The following SH3GL2 variants were observed in gnomAD, a reference collection of about 807,000 sequenced individuals.
The protein encoded by SH3GL2 is SH3 domain containing GRB2 like 2, endophilin A1, also known as endophilin-A1.
Under a neutral mutation model 46.0 loss-of-function variants are expected in SH3GL2, and 24 were observed. The ratio of observed to expected loss-of-function variants is 0.52; its 90% CI spans 0.38 to 0.73. SH3GL2 has a LOEUF of 0.73. Ranked by LOEUF, SH3GL2 falls within the 30% of genes least tolerant of loss-of-function variation. SH3GL2 has a pLI of 0.00. For missense variants in SH3GL2, 413 were observed against 424.2 expected, an observed-to-expected ratio of 0.97 and a Z score of 0.23; for synonymous variants, 196 against 147.1, an observed-to-expected ratio of 1.33 and a Z score of -2.40.
At chr9:17,720,857 C>T (rs534158015) in intron 1 of SH3GL2, among the ~76,000 whole-genome samples, 2 of 152,180 alleles carry the variant, frequency 1.3e-5, no homozygotes, top group African/African-American at 2.4e-5. Context: ...TTAGGTGAGC[C>T]ACCAAAATTT....
rs7847366 is a variant in SH3GL2 at position 17,656,208 on chromosome 9, G to A, written c.45+76921G>A. Among the ~76,000 whole-genome samples, 313 of 152,210 alleles carry A rather than the reference G, an allele frequency of 2.1e-3. 2 individuals carry two copies. Among genetic ancestry groups the A allele is most frequent in the African/African-American group, 7.3e-3 (303 of 41,540 alleles). ...TATCATTTATCATTTCTATTGGAATGTTTTTATTTTAATTACTTTGGTAGA... is the reference window on the plus strand; with the variant it reads ...TATCATTTATCATTTCTATTGGAATATTTTTATTTTAATTACTTTGGTAGA... On this transcript the variant is annotated intron_variant, in intron 1 of 8. Coordinates refer to ENST00000380607, the MANE Select transcript of SH3GL2 (RefSeq NM_003026.5).
chr9:17,745,492 GT>G (rs1388384174), intron 1 of SH3GL2, among the ~76,000 whole-genome samples: 1 of 152,138 alleles, frequency 6.6e-6, no homozygotes, highest in Admixed American at 6.5e-5. Flanking sequence ...GTCAGTCCAT[GT>G]CATGCTCTTC....
intron 3 of SH3GL2, among the ~76,000 whole-genome samples, chr9:17,763,866 C>T (rs1310759787): frequency 6.6e-6 from 1 of 152,154 alleles, no homozygotes; most frequent in Non-Finnish European, 1.5e-5. Flanking sequence ...CACGATCCTG[C>T]CTCTGAGAAG....
At position 17,639,101 on chromosome 9, in the gene SH3GL2, T is replaced by G. The variant is rs189118407; in HGVS notation, c.45+59814T>G. 3.9e-5 allele frequency among the ~76,000 whole-genome samples: 6 copies of G among 152,350 alleles called. No homozygotes were observed. In the East Asian group the frequency reaches 1.2e-3, roughly 29 times the overall value. On this transcript the variant is annotated intron_variant, in intron 1 of 8. Transcript: ENST00000380607. Reference sequence around the variant, plus strand: ...TTGAATGAATGTATGAATTCTAAATTGTAAGATTTGAAATGAAACCATTGC... The same window carrying G: ...TTGAATGAATGTATGAATTCTAAATGGTAAGATTTGAAATGAAACCATTGC...
rs1467604485 is a variant in SH3GL2, at chr9:17,579,188, T to C, written c.-55T>C. The stretch of plus-strand genomic sequence containing the variant: ...CGCGCCGCCCCGCTCGGCCCTCCAG[T>C]CCCCCTCCGCCTCCTCCCTCCCGCA... On this transcript the variant is annotated 5_prime_UTR_variant, in exon 1 of 9. Coordinates refer to ENST00000380607, the MANE Select transcript of SH3GL2 (RefSeq NM_003026.5). The C allele has an allele frequency of 1.5e-6, 2 of 1,374,454 alleles. No homozygotes were observed. Among genetic ancestry groups the C allele is most frequent in the East Asian group, 6.0e-5 (2 of 33,306 alleles). The allele number at this position is 1,374,454 out of a possible 1,614,324, so 85.1% of individuals were successfully genotyped here.
chr9:17,753,053 G>A (rs566037004), intron 2 of SH3GL2, among the ~76,000 whole-genome samples: 2 of 152,098 alleles, frequency 1.3e-5, no homozygotes, highest in East Asian at 1.9e-4. Flanking sequence ...CTCTTTTATG[G>A]CTGCATAGTA....
Position 17,784,125 on chromosome 9 carries a change from C to CT in SH3GL2, c.188-2249dup, listed in dbSNP as rs370250626. On this transcript the variant is annotated intron_variant, in intron 3 of 8. Transcript: ENST00000380607. ...CTCTTCAGATATGTGAATTAGTAGGCTTTTTTTAATCATTTGAAGTAGATA... is the reference window on the plus strand; with the variant it reads ...CTCTTCAGATATGTGAATTAGTAGGCTTTTTTTTAATCATTTGAAGTAGATA... 3.0e-3 allele frequency among the ~76,000 whole-genome samples: 451 copies of CT among 152,092 alleles called. 4 individuals are homozygous for CT. Among genetic ancestry groups the CT allele is most frequent in the African/African-American group, 0.01 (421 of 41,528 alleles).
At position 17,747,287 on chromosome 9, in the gene SH3GL2, A is replaced by G. The variant is rs77276805; in HGVS notation, c.114+153A>G. On this transcript the variant is annotated intron_variant, in intron 2 of 8. Transcript: ENST00000380607. ...AAAACTACTTTTCATGTATGTTTTAAAACATAAAATGTAAAATATTCTGTC... is the reference window on the plus strand; with the variant it reads ...AAAACTACTTTTCATGTATGTTTTAGAACATAAAATGTAAAATATTCTGTC... 4.8e-3 allele frequency among the ~76,000 whole-genome samples: 728 copies of G among 152,368 alleles called. 6 individuals carry two copies. Among genetic ancestry groups the G allele is most frequent in the Non-Finnish European group, 7.1e-3 (480 of 68,038 alleles).
chr9:17,754,818 T>C (rs1452171945), intron 2 of SH3GL2, among the ~76,000 whole-genome samples: 2 of 152,208 alleles, frequency 1.3e-5, no homozygotes, highest in Non-Finnish European at 2.9e-5. Flanking sequence ...ATGCTAGTGA[T>C]TTTTGAACAT....
At chr9:17,647,952 A>G (rs926278568) in intron 1 of SH3GL2, among the ~76,000 whole-genome samples, 3 of 150,388 alleles carry the variant, frequency 2.0e-5, no homozygotes, top group Admixed American at 6.6e-5. Context: ...CTCAACATGA[A>G]GATGAAGATG....
At chr9:17,639,728 G>A (rs971637484) in intron 1 of SH3GL2, among the ~76,000 whole-genome samples, 14 of 152,174 alleles carry the variant, frequency 9.2e-5, no homozygotes, top group African/African-American at 2.9e-4. Context: ...ATTCATAATA[G>A]TCTTAAAAAC....
chr9:17,609,817 G>A (rs1818827222), intron 1 of SH3GL2, among the ~76,000 whole-genome samples: 1 of 152,150 alleles, frequency 6.6e-6, no homozygotes, highest in East Asian at 1.9e-4. Context: ...CATGGCATCT[G>A]GGCTCTCATT....
chr9:17,706,823 AAT>A (rs1821484495), intron 1 of SH3GL2, among the ~76,000 whole-genome samples: 1 of 152,044 alleles, frequency 6.6e-6, no homozygotes, highest in South Asian at 2.1e-4. Context: ...ACCCTTAAAA[AAT>A]GGAATCCTCT....
chr9:17,744,202 G>C (rs1822615569), intron 1 of SH3GL2, among the ~76,000 whole-genome samples: 1 of 152,174 alleles, frequency 6.6e-6, no homozygotes, highest in Admixed American at 6.5e-5. Flanking sequence ...GGACTGACAT[G>C]TGAGCCAGAA....
chr9:17,759,349 C>G (rs1259594711), intron 2 of SH3GL2, among the ~76,000 whole-genome samples: 1 of 152,210 alleles, frequency 6.6e-6, no homozygotes, highest in Non-Finnish European at 1.5e-5. Context: ...CCTGCTGATG[C>G]TGTTTCACCG....
rs1588302772 is a variant in SH3GL2, at chr9:17,753,326, C to T, written c.114+6192C>T. On this transcript the variant is annotated intron_variant, in intron 2 of 8. Coordinates refer to ENST00000380607, the MANE Select transcript of SH3GL2 (RefSeq NM_003026.5). ...TTGAACTAATTTACACTCCTACCAACAGTGTATAAGCATTCCTTTTTCTCC... is the reference window on the plus strand; with the variant it reads ...TTGAACTAATTTACACTCCTACCAATAGTGTATAAGCATTCCTTTTTCTCC... Among the ~76,000 whole-genome samples, 4 of 152,340 alleles carry T rather than the reference C, an allele frequency of 2.6e-5. No homozygotes were observed. In the South Asian group the frequency reaches 8.3e-4, roughly 32 times the overall value.
intron 1 of SH3GL2, among the ~76,000 whole-genome samples, chr9:17,677,462 G>A (rs1282311097): frequency 6.6e-6 from 1 of 151,812 alleles, no homozygotes; most frequent in Non-Finnish European, 1.5e-5. Flanking sequence ...ACTTATTTGG[G>A]GGTCTGCAAC....
At chr9:17,666,466 T>A (rs574511365) in intron 1 of SH3GL2, among the ~76,000 whole-genome samples, 49 of 152,148 alleles carry the variant, frequency 3.2e-4, no homozygotes, top group African/African-American at 1.1e-3. Flanking sequence ...AGTTTTTGGT[T>A]TATCCTTCTT....
intron 2 of SH3GL2, among the ~76,000 whole-genome samples, chr9:17,758,493 A>T (rs1399817982): frequency 7.6e-6 from 1 of 131,918 alleles, no homozygotes; most frequent in Non-Finnish European, 1.6e-5. Flanking sequence ...ACCTGGGAGG[A>T]GGAGGTTGCG....
Sources: allele counts gnomAD v4.1 joint callset (sites outside exome capture counted in the v4.1 genomes callset), GRCh38; gene constraint gnomAD v4.1.1; transcripts MANE v1.5; gene names NCBI Gene and HGNC (gene_info 2026-07-23, HGNC 2026-07-21).